MIA2: variants seen among roughly 807,000 people sequenced by gnomAD.
MIA2 encodes MIA SH3 domain ER export factor 2, also known as melanoma inhibitory activity protein 2.
Under a neutral mutation model 167.8 loss-of-function variants are expected in MIA2, and 127 were observed. That is an observed-to-expected ratio of 0.76 (90% confidence interval 0.66 to 0.88). The LOEUF (loss-of-function observed/expected upper bound fraction) is 0.88, where lower values mean the gene tolerates loss of function less well. MIA2 is among the 40% of genes least tolerant of loss of function. The pLI, the probability that MIA2 is intolerant of heterozygous loss-of-function variation, is 0.00. For missense variants in MIA2, 1,690 were observed against 1,624.7 expected (o/e 1.04, Z -0.69); for synonymous variants, 552 against 541.9 (o/e 1.02, Z -0.26).
intron 2 of MIA2, among the ~76,000 whole-genome samples, chr14:39,239,756 C>T (rs1042055296): frequency 4.6e-5 from 7 of 152,080 alleles, no homozygotes; most frequent in African/African-American, 1.7e-4. Context: ...GTTTTAGGCA[C>T]ATTTAGTTTT....
Position 39,247,070 on chromosome 14 carries a change from TA to T in MIA2, c.497del (p.Tyr166LeufsTer16). 6.2e-7 allele frequency: 1 copy of T among 1,606,284 alleles called. No homozygotes were observed. Among genetic ancestry groups the T allele is most frequent in the Non-Finnish European group, 8.5e-7 (1 of 1,178,158 alleles). On this transcript the variant is annotated frameshift_variant, in exon 4 of 29. Coordinates refer to ENST00000640607, the MANE Select transcript of MIA2 (RefSeq NM_001329214.4). LOFTEE classifies it high-confidence loss of function. ...ESDFQIEPGFYATYESTLFED... is the reference protein window; with the variant it reads ...ESDFQIEPGFXATYESTLFED... ...TGATTTTCAGATAGAACCTGGATTT[TA>T]TGCAACTTATGAAAGTACTTTGTTT...
Position 39,246,992 on chromosome 14 carries a change from A to T in MIA2, c.418A>T (p.Asn140Tyr), listed in dbSNP as rs1195590083. The change falls in exon 4 of 29, where the codon AAT (asparagine) becomes TAT (tyrosine). Residue 140 changes from asparagine (N) to tyrosine (Y), a missense_variant. Asn to Tyr is a moderately radical substitution (Grantham distance 143, BLOSUM62 -2). Transcript: ENST00000640607. ...DSELNGDYGE[N>Y]IYPYEEDKDE... ...TGAATTAAACGGTGATTATGGTGAA[A>T]ATATATATCCTTATGAAGAAGATAA... is the stretch of plus-strand genomic sequence containing the variant. 6.4e-7 allele frequency: 1 copy of T among 1,565,008 alleles called. No individual in the cohort carries two copies.
chr14:39,276,375 T>G (rs1212719152), intron 6 of MIA2: 2 of 152,562 alleles, frequency 1.3e-5, no homozygotes, highest in Admixed American at 6.5e-5. Flanking sequence ...AACAGCATTA[T>G]TCTCATTACA....
intron 11 of MIA2, 25 bp downstream of exon 11, chr14:39,293,406 A>T (rs1337166649): frequency 7.1e-7 from 1 of 1,408,022 alleles, no homozygotes; most frequent in Non-Finnish European, 9.9e-7. Flanking sequence ...TTTGAGGAGA[A>T]TATAAGAAAA....
Position 39,247,947 on chromosome 14 carries a change from A to G in MIA2, c.1373A>G (p.Lys458Arg). 6.3e-7 allele frequency: 1 copy of G among 1,598,120 alleles called. No homozygotes were observed. The highest frequency in any genetic ancestry group is 1.4e-5 in the African/African-American group (1 of 73,910). Residue 458 changes from lysine (K) to arginine (R), a missense_variant, in exon 4 of 29, where the codon AAA becomes AGA. Physicochemically the swap from Lys to Arg is conservative, Grantham distance 26. Transcript: ENST00000640607. ...GAATCTGATACTATACCATATTTGA[A>G]AAAGTTCTTGTATAATTTTGACAAC... ...TDESDTIPYLKKFLYNFDNPW... is the reference protein window; with the variant it reads ...TDESDTIPYLRKFLYNFDNPW...
At chr14:39,345,201 T>C (rs2072960661) in intron 25 of MIA2, among the ~76,000 whole-genome samples, 1 of 152,116 alleles carries the variant, frequency 6.6e-6, no homozygotes, top group Admixed American at 6.6e-5. Context: ...TGCCTCAGTC[T>C]CCCGAGTAGC....
intron 6 of MIA2, among the ~76,000 whole-genome samples, chr14:39,260,328 G>A (rs2055036730): frequency 2.6e-5 from 4 of 152,212 alleles, no homozygotes; most frequent in East Asian, 1.9e-4. Context: ...CACCAACAGT[G>A]TAAAAGCATT....
In MIA2 at chr14:39,247,990, C is replaced by T. The variant is rs770104533; in HGVS notation, c.1416C>T (p.Asn472=). The part of the protein sequence containing the change: ...YNFDNPWNFQ[N]IPKETELPFP... ...TTGACAACCCTTGGAACTTCCAGAA[C>T]ATTCCAAAGGAAACAGAATTGCCAT... The change falls in exon 4 of 29, where the codon AAC becomes AAT. Residue 472 remains asparagine (N), a synonymous_variant. Coordinates refer to ENST00000640607, the MANE Select transcript of MIA2 (RefSeq NM_001329214.4). 1 of 1,588,022 alleles carries T rather than the reference C, an allele frequency of 6.3e-7. No individual in the cohort carries two copies. The highest frequency in any genetic ancestry group is 1.9e-5 in the Admixed American group (1 of 51,824).
At chr14:39,363,227 C>T (rs2074732070) in intron 23 of MIA2, among the ~76,000 whole-genome samples, 1 of 152,140 alleles carries the variant, frequency 6.6e-6, no homozygotes, top group Admixed American at 6.5e-5. Flanking sequence ...GTCTAAAGTA[C>T]AGTTTAAGTC....
chr14:39,240,415 A>G, intron 2 of MIA2, 146 bp from the exon 3 acceptor site: 1 of 512,646 alleles, frequency 2.0e-6, no homozygotes, highest in East Asian at 3.2e-5. Context: ...ATATTATTTC[A>G]CTCTTTTTTA....
At chr14:39,363,765 GTTC>G (rs1384926305) in intron 23 of MIA2, among the ~76,000 whole-genome samples, 3 of 152,196 alleles carry the variant, frequency 2.0e-5, no homozygotes, top group African/African-American at 7.2e-5. Context: ...GTTTTGTAAT[GTTC>G]TTCTTTGCCT....
rs2062187056 is a variant in MIA2, at chr14:39,300,341, A to G, written c.2619+355A>G. ...ATTGGATGTATAGTTATATATATTA[A>G]TTGAATATCTTTAATGTAACTGGTG... On this transcript the variant is annotated intron_variant, in intron 14 of 28. Transcript: ENST00000640607. Among the ~76,000 whole-genome samples the G allele has an allele frequency of 2.0e-5, 3 of 152,276 alleles. No individual in the cohort carries two copies. In the South Asian group the frequency reaches 6.2e-4, roughly 32 times the overall value.
At chr14:39,341,547 G>A (rs2071842110) in intron 25 of MIA2, among the ~76,000 whole-genome samples, 1 of 152,168 alleles carries the variant, frequency 6.6e-6, no homozygotes, top group Non-Finnish European at 1.5e-5. Context: ...GAGCAAGTGA[G>A]TACAGATGTA....
chr14:39,308,598 T>G lies in MIA2; in HGVS notation c.3017+11T>G. On this transcript the variant is annotated intron_variant, in intron 18 of 28. Transcript: ENST00000640607. ...AATGAAACTCCACAGGTAATAAAAA[T>G]TATGTTAACTCCATTGAACAGCAAG... The G allele has an allele frequency of 6.5e-7, 1 of 1,529,920 alleles. No homozygotes were observed. Among genetic ancestry groups the G allele is most frequent in the Middle Eastern group, 1.7e-4 (1 of 5,860 alleles). The allele number at this position is 1,529,920 out of a possible 1,614,324, so 94.8% of individuals were successfully genotyped here. A position where few individuals can be genotyped will look rare whatever the true frequency, so the allele number is the denominator to read the frequency against.
At chr14:39,318,253 T>A (rs1278435233) in intron 22 of MIA2, among the ~76,000 whole-genome samples, 1 of 152,164 alleles carries the variant, frequency 6.6e-6, no homozygotes, top group Non-Finnish European at 1.5e-5. Flanking sequence ...AACTAGAATT[T>A]TTTTTAAACC....
intron 9 of MIA2, among the ~76,000 whole-genome samples, chr14:39,283,387 A>G (rs1595002446): frequency 6.6e-6 from 1 of 152,180 alleles, no homozygotes; most frequent in East Asian, 1.9e-4. Flanking sequence ...TCCTTGATAG[A>G]TGGTTGAAAA....
chr14:39,377,474 G>T (rs1209338785), intron 23 of MIA2, among the ~76,000 whole-genome samples: 2 of 152,256 alleles, frequency 1.3e-5, no homozygotes, highest in East Asian at 1.9e-4. Flanking sequence ...ATAAGGAAAA[G>T]AAATTGAAAA....
intron 17 of MIA2, among the ~76,000 whole-genome samples, chr14:39,306,846 C>G (rs186033194): frequency 2.0e-5 from 3 of 152,080 alleles, no homozygotes; most frequent in Admixed American, 6.5e-5. Context: ...TAGAGTTGTT[C>G]AGAGTTGGTA....
At chr14:39,295,079 G>T in intron 13 of MIA2, 50 bp downstream of exon 13, 1 of 1,270,934 alleles carries the variant, frequency 7.9e-7, no homozygotes, top group Non-Finnish European at 1.2e-6. Context: ...AATTATAGAT[G>T]TTCTTGTCAT....
Sources: allele counts gnomAD v4.1 joint callset (sites outside exome capture counted in the v4.1 genomes callset), GRCh38; gene constraint gnomAD v4.1.1; transcripts MANE v1.5; gene names NCBI Gene and HGNC (gene_info 2026-07-23, HGNC 2026-07-21).